The following ATRNL1 variants were observed in gnomAD, a reference collection of about 807,000 sequenced individuals.
ATRNL1 encodes attractin like 1, also known as attractin-like protein 1.
A neutral mutation model predicts 182.7 loss-of-function variants in ATRNL1; 95 were observed. The ratio of observed to expected loss-of-function variants is 0.52; its 90% confidence interval spans 0.44 to 0.62. ATRNL1 has a LOEUF of 0.62. Ranked by LOEUF, ATRNL1 falls within the 20% of genes least tolerant of loss-of-function variation. The probability of loss-of-function intolerance (pLI) is 0.00; values close to 1 mark genes in which losing one functional copy is unlikely to be tolerated. For missense variants in ATRNL1, 1,471 were observed against 1,679.5 expected (o/e 0.88, Z 2.17); for synonymous variants, 576 against 568.3 (o/e 1.01, Z -0.19).
chr10:115,835,676 A>C (rs969440579), intron 27 of ATRNL1, among the ~76,000 whole-genome samples: 2 of 152,194 alleles, frequency 1.3e-5, no homozygotes, highest in African/African-American at 4.8e-5. Context: ...AACTGTGAAT[A>C]TTATAGTAGG....
At chr10:115,449,574 A>C (rs367858761) in intron 21 of ATRNL1, among the ~76,000 whole-genome samples, 60 of 152,308 alleles carry the variant, frequency 3.9e-4, no homozygotes, top group African/African-American at 1.1e-3. Flanking sequence ...ACTGTAACAC[A>C]TGCCCTCTGG....
At chr10:115,501,150 T>C (rs1268278056) in intron 24 of ATRNL1, among the ~76,000 whole-genome samples, 2 of 151,946 alleles carry the variant, frequency 1.3e-5, no homozygotes, top group Admixed American at 6.6e-5. Context: ...GCCAGGCTAG[T>C]CTTGAACTCC....
intron 26 of ATRNL1, among the ~76,000 whole-genome samples, chr10:115,683,875 C>T (rs1593062731): frequency 6.6e-6 from 1 of 151,684 alleles, no homozygotes; most frequent in Non-Finnish European, 1.5e-5. Context: ...ATTACATACA[C>T]ATTAATAAAG....
intron 21 of ATRNL1, among the ~76,000 whole-genome samples, chr10:115,461,018 A>G (rs1847770297): frequency 6.6e-6 from 1 of 152,120 alleles, no homozygotes; most frequent in Non-Finnish European, 1.5e-5. Context: ...CAATAAATAT[A>G]TAGGTTGAAT....
At chr10:115,827,321 G>C (rs529018485) in intron 27 of ATRNL1, among the ~76,000 whole-genome samples, 1 of 152,304 alleles carries the variant, frequency 6.6e-6, no homozygotes, top group East Asian at 1.9e-4. Flanking sequence ...ACTGTTTCTG[G>C]ATAAAACAGT....
At chr10:115,472,160 C>G (rs564948496) in intron 24 of ATRNL1, among the ~76,000 whole-genome samples, 1 of 150,810 alleles carries the variant, frequency 6.6e-6, no homozygotes, top group South Asian at 2.1e-4. Flanking sequence ...TTGACGCTGT[C>G]TATGGGTTTA....
At chr10:115,559,443 T>TCTGCGCGC (rs782381060) in intron 26 of ATRNL1, among the ~76,000 whole-genome samples, 3 of 77,864 alleles carry the variant, frequency 3.9e-5, no homozygotes, top group African/African-American at 9.9e-5. Context: ...TGTGTGTGTG[T>TCTGCGCGC]GCGCGCGCGC....
At chr10:115,784,844 T>G (rs1949357760) in intron 27 of ATRNL1, among the ~76,000 whole-genome samples, 1 of 152,184 alleles carries the variant, frequency 6.6e-6, no homozygotes, top group Admixed American at 6.5e-5. Context: ...TAATTATATT[T>G]GTAAAGGACC....
intron 26 of ATRNL1, among the ~76,000 whole-genome samples, chr10:115,574,774 T>C (rs1854611991): frequency 6.6e-6 from 1 of 152,212 alleles, no homozygotes; most frequent in Non-Finnish European, 1.5e-5. Flanking sequence ...ACCAATTTCC[T>C]ACACATAGGG....
intron 27 of ATRNL1, among the ~76,000 whole-genome samples, chr10:115,736,892 C>T (rs957257457): frequency 1.1e-3 from 171 of 152,176 alleles, no homozygotes; most frequent in African/African-American, 4.0e-3. Flanking sequence ...CTCAGCCTCC[C>T]GAGTAGCTGG....
intron 9 of ATRNL1, among the ~76,000 whole-genome samples, chr10:115,231,877 G>T (rs1554900090): frequency 1.3e-5 from 2 of 152,070 alleles, no homozygotes; most frequent in African/African-American, 4.8e-5. Flanking sequence ...GAAGATTGAG[G>T]TTTGAAAAGA....
At chr10:115,374,818 AT>A (rs1466509938) in intron 19 of ATRNL1, among the ~76,000 whole-genome samples, 1 of 151,780 alleles carries the variant, frequency 6.6e-6, no homozygotes, top group Non-Finnish European at 1.5e-5. Context: ...ATTTACTACC[AT>A]TGTGGTTGGC....
chr10:115,377,902 G>A (rs1554949992), intron 19 of ATRNL1, among the ~76,000 whole-genome samples: 1 of 152,138 alleles, frequency 6.6e-6, no homozygotes, highest in African/African-American at 2.4e-5. Context: ...CCAGGACCTT[G>A]GTTGGTAGGG....
intron 24 of ATRNL1, among the ~76,000 whole-genome samples, chr10:115,492,743 A>C (rs1849366416): frequency 6.8e-6 from 1 of 146,560 alleles, no homozygotes; most frequent in South Asian, 2.1e-4. Flanking sequence ...TCCCGGGTTC[A>C]CACCATTCTC....
chr10:115,202,412 A>G (rs1207327362), intron 8 of ATRNL1, among the ~76,000 whole-genome samples: 1 of 151,774 alleles, frequency 6.6e-6, no homozygotes, highest in African/African-American at 2.4e-5. Context: ...TCCCATCAAT[A>G]CCTAATTTAT....
intron 28 of ATRNL1, among the ~76,000 whole-genome samples, chr10:115,927,217 C>G (rs955119406): frequency 2.6e-5 from 4 of 152,086 alleles, no homozygotes; most frequent in Admixed American, 6.6e-5. Flanking sequence ...ATTCAACATC[C>G]CTTCATGTTA....
At chr10:115,110,472 CAT>C (rs1253339583) in intron 1 of ATRNL1, among the ~76,000 whole-genome samples, 41 of 152,286 alleles carry the variant, frequency 2.7e-4, no homozygotes, top group African/African-American at 9.4e-4. Flanking sequence ...GGACCTCATT[CAT>C]ATAACTGGAA....
intron 1 of ATRNL1, among the ~76,000 whole-genome samples, chr10:115,100,119 C>G (rs12252344): frequency 0.025 from 3,809 of 152,120 alleles, 157 homozygotes; most frequent in African/African-American, 0.086. Flanking sequence ...AGGCAAGACA[C>G]TGCCTATACA....
chr10:115,442,038 A>G (rs914933825), intron 21 of ATRNL1, among the ~76,000 whole-genome samples: 1 of 151,796 alleles, frequency 6.6e-6, no homozygotes, highest in Non-Finnish European at 1.5e-5. Context: ...TAGTTTTCCC[A>G]TTTTCAGTTT....
Sources: gnomAD v4.1 joint callset for allele counts (sites outside exome capture counted in the v4.1 genomes callset) on GRCh38, gnomAD v4.1.1 for gene constraint, MANE v1.5 for transcripts, NCBI Gene and HGNC (gene_info 2026-07-23, HGNC 2026-07-21) for gene names.